Variants in NAA11 observed in about 807,000 individuals in gnomAD.
The protein encoded by NAA11 is N-alpha-acetyltransferase 11, NatA catalytic subunit, also known as N-alpha-acetyltransferase 11.
In NAA11, 15 loss-of-function variants were observed where a neutral mutation model predicts 16.1. The observed-to-expected ratio is 0.93, with a 90% CI of 0.62 to 1.44. The LOEUF is 1.44. NAA11 is among the 40% of genes most tolerant of loss of function. The probability of loss-of-function intolerance (pLI) is 0.00; values close to 1 mark genes in which losing one functional copy is unlikely to be tolerated. For missense variants in NAA11, 298 were observed against 291.3 expected (o/e 1.02, Z -0.17); for synonymous variants, 122 against 112.4 (o/e 1.09, Z -0.54).
the NAA11 span, among the ~76,000 whole-genome samples, chr4:79,167,630 C>G: frequency 6.6e-6 from 1 of 151,940 alleles, no homozygotes; most frequent in African/African-American, 2.4e-5. Flanking sequence ...TCCATTCTCT[C>G]ATTGCTATGA....
the NAA11 span, among the ~76,000 whole-genome samples, chr4:79,208,568 A>T: frequency 2.6e-5 from 4 of 152,164 alleles, no homozygotes; most frequent in Non-Finnish European, 1.5e-5. Flanking sequence ...TGCATAGATG[A>T]TTACTGTGCA....
the NAA11 span, among the ~76,000 whole-genome samples, chr4:79,209,786 G>GTA: frequency 6.6e-6 from 1 of 152,058 alleles, no homozygotes; most frequent in African/African-American, 2.4e-5. Context: ...TGGCTCGCAT[G>GTA]TATAATCCCA....
At chr4:79,315,159 T>A (rs72872318), downstream of NAA11, among the ~76,000 whole-genome samples, 12,071 of 151,588 alleles carry the variant, frequency 0.08, 748 homozygotes, top group African/African-American at 0.16. Context: ...AGGAACTAGT[T>A]AGAAATGCAG....
At chr4:79,189,949 G>A in the NAA11 span, among the ~76,000 whole-genome samples, 55 of 152,308 alleles carry the variant, frequency 3.6e-4, no homozygotes, top group South Asian at 5.8e-3. Context: ...CCAGAAAAGT[G>A]TGGAAGGCTT....
rs1361033328 is a variant in NAA11, at chr4:79,325,196, T to A, written c.682A>T (p.Thr228Ser). 3 of 1,606,820 alleles carry A rather than the reference T, an allele frequency of 1.9e-6. No individual in the cohort carries two copies. The highest frequency in any genetic ancestry group is 2.6e-6 in the Non-Finnish European group (3 of 1,176,322). Residue 228 changes from threonine to serine, a missense_variant, in exon 1 of 2, where the codon ACC (threonine) becomes TCC (serine). Transcript: ENST00000286794. Reference protein sequence around the residue: ...VQDSSESSDSTS With the variant: ...VQDSSESSDSSS Reference sequence around the variant, plus strand: ...AATACCTTAAGCATGCTCTAGGAGGTGGAATCCGAGCTTTCTGAGCTGTCC... The same window carrying A: ...AATACCTTAAGCATGCTCTAGGAGGAGGAATCCGAGCTTTCTGAGCTGTCC...
intron 2 of NAA11, among the ~76,000 whole-genome samples, chr4:79,243,546 TC>T (rs60817286): frequency 0.023 from 3,536 of 152,354 alleles, 157 homozygotes; most frequent in African/African-American, 0.081. Context: ...TGTGTCTTAA[TC>T]ACCACTGCAT....
At chr4:79,314,641 T>TAAAAAAAA (rs375245497), downstream of NAA11, among the ~76,000 whole-genome samples, 1,007 of 97,874 alleles carry the variant, frequency 0.01, 68 homozygotes, top group African/African-American at 0.038. Context: ...TCCTTAAAAT[T>TAAAAAAAA]AAAAAAAAAA....
At chr4:79,264,112 C>T (rs962803371) in intron 2 of NAA11, among the ~76,000 whole-genome samples, 20 of 152,260 alleles carry the variant, frequency 1.3e-4, no homozygotes, top group Admixed American at 1.0e-3. Context: ...CACTTCCGCT[C>T]GTGCACTAGA....
At chr4:79,267,104 T>C (rs1472450832) in intron 2 of NAA11, among the ~76,000 whole-genome samples, 8 of 152,200 alleles carry the variant, frequency 5.3e-5, no homozygotes, top group African/African-American at 9.6e-5. Context: ...GATATAAATA[T>C]AGTCAAGAAC....
chr4:79,228,016 GT>G (rs1721365132), intron 2 of NAA11: 1 of 151,926 alleles, frequency 6.6e-6, no homozygotes, highest in African/African-American at 2.4e-5. Flanking sequence ...CCATCTTGTG[GT>G]TTATGGTAAA....
intron 2 of NAA11, among the ~76,000 whole-genome samples, chr4:79,247,003 C>T (rs1721854093): frequency 6.6e-6 from 1 of 152,108 alleles, no homozygotes. Context: ...CTGGAGGAAG[C>T]TGGAGTTGTA....
the NAA11 span, among the ~76,000 whole-genome samples, chr4:79,167,067 GAGTCACCA>G: frequency 7.7e-6 from 1 of 129,654 alleles, no homozygotes; most frequent in East Asian, 2.4e-4. Context: ...GAGGTATGGG[GAGTCACCA>G]AGTCACCAAA....
chr4:79,156,315 G>GTA, the NAA11 span, among the ~76,000 whole-genome samples: 2 of 36,170 alleles, frequency 5.5e-5, no homozygotes, highest in South Asian at 5.5e-3. Flanking sequence ...GGGATGTGAT[G>GTA]TGTGTGTGTG....
At chr4:79,220,181 T>C in the NAA11 span, among the ~76,000 whole-genome samples, 126,766 of 152,224 alleles carry the variant, frequency 0.83, 54,008 homozygotes, top group Non-Finnish European at 0.92. Flanking sequence ...TAACCTCCGC[T>C]TCCTGGGTTC....
chr4:79,309,550 T>A (rs1333844328), intron 1 of NAA11, among the ~76,000 whole-genome samples: 1 of 152,134 alleles, frequency 6.6e-6, no homozygotes, highest in African/African-American at 2.4e-5. Flanking sequence ...TTACCTTTTG[T>A]CCAAGGATAT....
intron 2 of NAA11, among the ~76,000 whole-genome samples, chr4:79,292,473 G>T (rs1240912416): frequency 6.6e-6 from 1 of 152,186 alleles, no homozygotes; most frequent in African/African-American, 2.4e-5. Flanking sequence ...TAAACCAGGG[G>T]TAGAGGACCA....
chr4:79,187,998 C>CAAAAAA, the NAA11 span, among the ~76,000 whole-genome samples: 13 of 74,208 alleles, frequency 1.8e-4, no homozygotes, highest in East Asian at 7.9e-4. Flanking sequence ...GACTCCGTCT[C>CAAAAAA]AAAAAAAAAA....
intron 2 of NAA11, among the ~76,000 whole-genome samples, chr4:79,253,212 G>T (rs1448421987): frequency 6.6e-6 from 1 of 152,190 alleles, no homozygotes; most frequent in Non-Finnish European, 1.5e-5. Flanking sequence ...AGATAATCAT[G>T]TTTTGGGGGG....
At chr4:79,166,296 A>G in the NAA11 span, among the ~76,000 whole-genome samples, 1 of 152,096 alleles carries the variant, frequency 6.6e-6, no homozygotes, top group African/African-American at 2.4e-5. Flanking sequence ...AGAATACAGA[A>G]TGGGAAATAG....
Sources: allele counts gnomAD v4.1 joint callset (sites outside exome capture counted in the v4.1 genomes callset), GRCh38; gene constraint gnomAD v4.1.1; transcripts MANE v1.5; gene names NCBI Gene and HGNC (gene_info 2026-07-23, HGNC 2026-07-21).